The following SAP130 variants were observed in gnomAD, a reference collection of about 807,000 sequenced individuals.
The protein encoded by SAP130 is Sin3A associated protein 130, also known as histone deacetylase complex subunit SAP130.
In SAP130, 16 loss-of-function variants were observed where a neutral mutation model predicts 103.2. That is an observed-to-expected ratio of 0.16 (90% CI 0.10 to 0.24). The LOEUF is 0.24. SAP130 is among the 10% of genes least tolerant of loss of function. SAP130 has a pLI of 1.00. For missense variants in SAP130, 990 were observed against 1,359.7 expected, an observed-to-expected ratio of 0.73 and a Z score of 4.28; for synonymous variants, 477 against 497.0, an observed-to-expected ratio of 0.96 and a Z score of 0.53.
At chr2:127,988,574 G>A (rs1428513090) in intron 13 of SAP130, among the ~76,000 whole-genome samples, 1 of 151,878 alleles carries the variant, frequency 6.6e-6, no homozygotes, top group African/African-American at 2.4e-5. Flanking sequence ...AACCTAGCTG[G>A]TGTAATGACT....
intron 6 of SAP130, among the ~76,000 whole-genome samples, chr2:128,011,603 TATACTACTAGAGGCCTA>T (rs1199687036): frequency 1.3e-5 from 2 of 152,206 alleles, no homozygotes; most frequent in African/African-American, 4.8e-5. Context: ...ATGTATCACA[TATACTACTAGAGGCCTA>T]ATACTCCTCC....
Position 128,017,747 on chromosome 2 carries a change from G to C in SAP130, c.281C>G (p.Ala94Gly). 2 of 1,614,208 alleles carry C rather than the reference G, an allele frequency of 1.2e-6. No homozygotes were observed. Among genetic ancestry groups the C allele is most frequent in the East Asian group, 2.2e-5 (1 of 44,888 alleles). ...HHAVASATPVAVTAPPAHLTP... is the reference protein window; with the variant it reads ...HHAVASATPVGVTAPPAHLTP... ...CAGGTGTGCTGGCGGGGCTGTCACT[G>C]CAACAGGTGTGGCTGATGCGACAGC... The change falls in exon 3 of 21, where the codon GCA becomes GGA. Residue 94 changes from alanine (A) to glycine (G), a missense_variant. Ala to Gly is a moderately conservative substitution (Grantham distance 60). Around this residue, in one of 6 missense-constraint regions of SAP130, gnomAD observed 167 missense variants for 187.4 expected, o/e 0.89. Transcript: ENST00000643581.
chr2:127,993,976 T>A (rs1490381650), intron 11 of SAP130, among the ~76,000 whole-genome samples: 1 of 152,066 alleles, frequency 6.6e-6, no homozygotes, highest in Non-Finnish European at 1.5e-5. Flanking sequence ...AACAGGAGAA[T>A]ATGACAAAAG....
intron 15 of SAP130, among the ~76,000 whole-genome samples, chr2:127,966,370 A>G (rs1680658520): frequency 6.6e-6 from 1 of 151,588 alleles, no homozygotes; most frequent in African/African-American, 2.4e-5. Context: ...AATAAAACAA[A>G]CAAACTTCAT....
At chr2:127,951,747 C>A (rs1486965548) in intron 16 of SAP130, among the ~76,000 whole-genome samples, 1 of 152,240 alleles carries the variant, frequency 6.6e-6, no homozygotes, top group Non-Finnish European at 1.5e-5. Flanking sequence ...GAGGGAGACA[C>A]ACTACCATGC....
chr2:127,964,013 G>C (rs187061541), intron 15 of SAP130, among the ~76,000 whole-genome samples: 2 of 152,320 alleles, frequency 1.3e-5, no homozygotes, highest in Non-Finnish European at 2.9e-5. Context: ...GGAGAAAACA[G>C]AAAGCCCTTT....
intron 18 of SAP130, among the ~76,000 whole-genome samples, chr2:127,946,093 C>T (rs188164342): frequency 3.4e-4 from 52 of 152,256 alleles, no homozygotes; most frequent in African/African-American, 1.1e-3. Context: ...AAGCTTGCCA[C>T]GTGTCAAGCC....
At chr2:128,006,098 AAAAC>A (rs1195721055) in intron 7 of SAP130, among the ~76,000 whole-genome samples, 1 of 152,214 alleles carries the variant, frequency 6.6e-6, no homozygotes, top group Non-Finnish European at 1.5e-5. Context: ...AAAAAAAAAA[AAAAC>A]AGACTCCAGT....
chr2:127,972,906 C>T (rs1045303158), intron 15 of SAP130, among the ~76,000 whole-genome samples: 3 of 152,172 alleles, frequency 2.0e-5, no homozygotes, highest in Admixed American at 6.6e-5. Flanking sequence ...GCACTCCAGC[C>T]GGGGTGACTG....
intron 15 of SAP130, 74 bp downstream of exon 15, chr2:127,977,911 G>T: frequency 9.0e-7 from 1 of 1,109,466 alleles, no homozygotes; most frequent in Non-Finnish European, 1.3e-6. Flanking sequence ...ATGTCATGCA[G>T]GAATATTAGA....
intron 15 of SAP130, among the ~76,000 whole-genome samples, chr2:127,958,855 C>T (rs1033697866): frequency 6.6e-6 from 1 of 152,130 alleles, no homozygotes; most frequent in Admixed American, 6.5e-5. Context: ...GGCGGGGTTT[C>T]ACCATATTGA....
intron 15 of SAP130, among the ~76,000 whole-genome samples, chr2:127,971,271 T>C (rs1681068599): frequency 1.4e-5 from 2 of 147,830 alleles, no homozygotes; most frequent in Non-Finnish European, 1.5e-5. Context: ...TTGTATTTTA[T>C]CCACTTTTTC....
chr2:128,001,586 T>C (rs1683564467), intron 7 of SAP130, among the ~76,000 whole-genome samples: 1 of 152,258 alleles, frequency 6.6e-6, no homozygotes, highest in Non-Finnish European at 1.5e-5. Context: ...GTATTTTTAC[T>C]GTACCTTTTC....
chr2:128,001,086 T>C (rs1250018849), intron 7 of SAP130, among the ~76,000 whole-genome samples: 3 of 152,142 alleles, frequency 2.0e-5, no homozygotes, highest in Non-Finnish European at 4.4e-5. Context: ...CATCATTCCT[T>C]AGCAAATGTA....
At chr2:127,948,303 T>G (rs1214209675) in intron 18 of SAP130, among the ~76,000 whole-genome samples, 7 of 152,012 alleles carry the variant, frequency 4.6e-5, no homozygotes, top group Non-Finnish European at 1.5e-5. Flanking sequence ...GTACTTCTTT[T>G]TTGTTTCTCT....
intron 14 of SAP130, among the ~76,000 whole-genome samples, chr2:127,985,702 G>T (rs781111168): frequency 9.2e-5 from 14 of 152,154 alleles, no homozygotes; most frequent in Middle Eastern, 3.4e-3. Context: ...CTGTGCCCAC[G>T]GATCTAGGTG....
intron 1 of SAP130, 30 bp downstream of exon 1, chr2:128,027,910 T>C: frequency 1.0e-6 from 1 of 969,400 alleles, no homozygotes; most frequent in Non-Finnish European, 1.2e-6. Context: ...TCTCCTCCCC[T>C]TCCCTCCCGG....
intron 2 of SAP130, among the ~76,000 whole-genome samples, chr2:128,019,052 T>C (rs1684977758): frequency 6.6e-6 from 1 of 151,872 alleles, no homozygotes; most frequent in South Asian, 2.1e-4. Flanking sequence ...TGAGCTGAGA[T>C]TGCGCCACTG....
Position 127,973,090 on chromosome 2 carries a change from A to C in SAP130, c.2063+4895T>G, listed in dbSNP as rs542899280. 1.1e-4 allele frequency among the ~76,000 whole-genome samples: 17 copies of C among 152,270 alleles called. No homozygotes were observed. The South Asian group carries it at 3.5e-3, about 32-fold the overall frequency. On this transcript the variant is annotated intron_variant, in intron 15 of 20. Transcript: ENST00000643581. Reference sequence around the variant, plus strand: ...TGACCTCTAAAGATGCTATGTCCTCAAGCCTGGTCCTTGCACCACTTCTGT... The same window carrying C: ...TGACCTCTAAAGATGCTATGTCCTCCAGCCTGGTCCTTGCACCACTTCTGT...
Sources: allele counts gnomAD v4.1 joint callset (sites outside exome capture counted in the v4.1 genomes callset), GRCh38; gene constraint gnomAD v4.1.1; regional missense constraint gnomAD v4.1.1; transcripts MANE v1.5; gene names NCBI Gene and HGNC (gene_info 2026-07-23, HGNC 2026-07-21).